CUBN: variants seen among roughly 807,000 people sequenced by gnomAD.
CUBN encodes the protein cubilin.
A neutral mutation model predicts 405.3 loss-of-function variants in CUBN; 282 were observed. The ratio of observed to expected loss-of-function variants is 0.70; its 90% confidence interval spans 0.63 to 0.77. The LOEUF is 0.77. CUBN is among the 30% of genes least tolerant of loss of function. CUBN has a pLI of 0.00. For missense variants in CUBN, 4,514 were observed against 4,475.2 expected, an observed-to-expected ratio of 1.01 and a Z score of -0.25; for synonymous variants, 1,684 against 1,617.0, an observed-to-expected ratio of 1.04 and a Z score of -0.99.
chr10:16,835,244 G>T, intron 63 of CUBN, 49 bp from the exon 64 acceptor site: 1 of 1,435,356 alleles, frequency 7.0e-7, no homozygotes, highest in Non-Finnish European at 9.8e-7. Flanking sequence ...AATATTTAGT[G>T]CTCTTTCAAC....
At chr10:17,102,612 T>C (rs1836522944) in intron 13 of CUBN, among the ~76,000 whole-genome samples, 1 of 143,068 alleles carries the variant, frequency 7.0e-6, no homozygotes, top group Admixed American at 6.9e-5. Flanking sequence ...TTTTTTTTTT[T>C]TTTTTTTTTT....
intron 36 of CUBN, among the ~76,000 whole-genome samples, chr10:16,945,767 CAAAAAAAAAAAA>C (rs61141075): frequency 1.2e-5 from 1 of 81,386 alleles, no homozygotes; most frequent in South Asian, 4.3e-4. Context: ...ACTGTGTCTC[CAAAAAAAAAAAA>C]AAAAAAAAAA....
intron 46 of CUBN, among the ~76,000 whole-genome samples, chr10:16,915,532 A>G (rs192425825): frequency 6.6e-6 from 1 of 152,170 alleles, no homozygotes; most frequent in Admixed American, 6.5e-5. Flanking sequence ...CCCTCAAATA[A>G]CGGCATGTGG....
At chr10:16,940,772 T>C (rs1261909728) in intron 36 of CUBN, among the ~76,000 whole-genome samples, 2 of 151,874 alleles carry the variant, frequency 1.3e-5, no homozygotes, top group African/African-American at 2.4e-5. Flanking sequence ...CTCTAAGACA[T>C]GGTGTGGGTT....
chr10:16,851,515 A>G, intron 59 of CUBN, 72 bp from the exon 60 acceptor site: 1 of 1,346,270 alleles, frequency 7.4e-7, no homozygotes. Flanking sequence ...GAGGGTTTTT[A>G]AAAAGAACAT....
chr10:16,959,903 T>C (rs902011609), intron 31 of CUBN, among the ~76,000 whole-genome samples: 7 of 152,240 alleles, frequency 4.6e-5, no homozygotes, highest in Admixed American at 1.3e-4. Flanking sequence ...GGCCTCAGCA[T>C]TGATTTTCTG....
At chr10:16,873,316 A>G (rs1840411978) in intron 58 of CUBN, among the ~76,000 whole-genome samples, 1 of 152,182 alleles carries the variant, frequency 6.6e-6, no homozygotes, top group Non-Finnish European at 1.5e-5. Flanking sequence ...CTTGTTGGGA[A>G]TAGGTAAGAC....
chr10:16,950,408 C>G (rs988468902), intron 33 of CUBN, among the ~76,000 whole-genome samples: 1 of 152,108 alleles, frequency 6.6e-6, no homozygotes, highest in Non-Finnish European at 1.5e-5. Context: ...ATCAAAACAT[C>G]TCATGTACCC....
At chr10:17,027,517 C>A (rs1028848944) in intron 27 of CUBN, among the ~76,000 whole-genome samples, 3 of 152,098 alleles carry the variant, frequency 2.0e-5, no homozygotes, top group Non-Finnish European at 4.4e-5. Flanking sequence ...TTTAATCTAG[C>A]TTTTTCTACA....
In CUBN at chr10:16,933,136, G is replaced by A. The variant is rs1452817084; in HGVS notation, c.6075C>T (p.Asp2025=). The change falls in exon 40 of 67, where the codon GAC becomes GAT. Residue 2025 remains aspartate (D), a synonymous_variant. Coordinates refer to ENST00000377833, the MANE Select transcript of CUBN (RefSeq NM_001081.4). ...AGGCACACGTTCGGTGAGATTCAAT[G>A]TCCAGGGAAAGAATGTTGAGTTCCA... is the stretch of plus-strand genomic sequence containing the variant. ...STVELNILSL[D]IESHRTCAYD... 2 of 1,613,960 alleles carry A rather than the reference G, an allele frequency of 1.2e-6. No individual in the cohort carries two copies. Among genetic ancestry groups the A allele is most frequent in the Non-Finnish European group, 8.5e-7 (1 of 1,180,012 alleles).
chr10:16,840,982 A>G lies in CUBN; in HGVS notation c.9729T>C (p.Ala3243=). The G allele has an allele frequency of 1.9e-6, 3 of 1,614,116 alleles. No individual in the cohort carries two copies. Among genetic ancestry groups the G allele is most frequent in the Non-Finnish European group, 2.5e-6 (3 of 1,179,968 alleles). ...GGAAGTTACCAGAAGAGATAAAAGG[A>G]GCAGGTACTGTGGAACCACAAAACG... ...AGTFCGSTVP[A]PFISSGNFLT... is the part of the protein sequence containing the mutation. The change falls in exon 61 of 67, where the codon GCT becomes GCC. Residue 3243 remains alanine (A), a synonymous_variant. Transcript: ENST00000377833.
Position 16,918,818 on chromosome 10 carries a change from T to C in CUBN, c.6822-18A>G. On this transcript the variant is annotated intron_variant, in intron 44 of 66. Transcript: ENST00000377833. ...AAGTACAGCTGAAGTGGGAACAAAATTCTGTTAAATTTACATGGTCAGATG... is the reference window on the plus strand; with the variant it reads ...AAGTACAGCTGAAGTGGGAACAAAACTCTGTTAAATTTACATGGTCAGATG... 1 of 1,611,000 alleles carries C rather than the reference T, an allele frequency of 6.2e-7. No individual in the cohort carries two copies. The highest frequency in any genetic ancestry group is 8.5e-7 in the Non-Finnish European group (1 of 1,177,840).
chr10:17,087,384 C>T lies in CUBN; in HGVS notation c.1947+780G>A, dbSNP rs553862993. The stretch of plus-strand genomic sequence containing the variant: ...ACTAATGGGTAGGCAGAAGGAGCTT[C>T]GGCTGATACCTCTCCTCTCAGTAAT... On this transcript the variant is annotated intron_variant, in intron 15 of 66. Transcript: ENST00000377833. Among the ~76,000 whole-genome samples the T allele has an allele frequency of 1.5e-4, 23 of 151,386 alleles. No individual in the cohort carries two copies. In the South Asian group the frequency reaches 3.6e-3, roughly 24 times the overall value.
intron 29 of CUBN, 24 bp from the exon 30 acceptor site, chr10:16,984,303 G>A (rs374047958): frequency 6.2e-7 from 1 of 1,611,480 alleles, no homozygotes; most frequent in Non-Finnish European, 8.5e-7. Flanking sequence ...TAGGAAAAAA[G>A]ACTTTAAAAA....
At chr10:16,899,683 A>AAATT (rs1316131961) in intron 53 of CUBN, among the ~76,000 whole-genome samples, 3 of 152,238 alleles carry the variant, frequency 2.0e-5, no homozygotes, top group Non-Finnish European at 2.9e-5. Flanking sequence ...TGATGGATCA[A>AAATT]AATTAATTAT....
At chr10:16,827,729 G>C (rs1425642924) in intron 66 of CUBN, among the ~76,000 whole-genome samples, 3 of 152,180 alleles carry the variant, frequency 2.0e-5, no homozygotes, top group Non-Finnish European at 2.9e-5. Flanking sequence ...AGCCTCCGGA[G>C]TACTTGGGAT....
chr10:17,092,405 GAT>G (rs1434196197), intron 14 of CUBN, among the ~76,000 whole-genome samples: 1 of 152,122 alleles, frequency 6.6e-6, no homozygotes, highest in African/African-American at 2.4e-5. Flanking sequence ...ATAGGGGCTG[GAT>G]AAAATAGGGC....
chr10:16,960,884 G>A (rs956604733), intron 31 of CUBN, among the ~76,000 whole-genome samples: 3 of 152,140 alleles, frequency 2.0e-5, no homozygotes, highest in African/African-American at 7.2e-5. Flanking sequence ...TCCGCTCCCA[G>A]GGGCCCTTCA....
intron 14 of CUBN, 112 bp from the exon 15 acceptor site, chr10:17,088,457 G>A (rs1270386446): frequency 1.3e-6 from 1 of 767,888 alleles, no homozygotes; most frequent in Non-Finnish European, 2.2e-6. Flanking sequence ...ACTATGAGCA[G>A]TTTTAGACAC....
Sources: allele counts gnomAD v4.1 joint callset (sites outside exome capture counted in the v4.1 genomes callset), GRCh38; gene constraint gnomAD v4.1.1; transcripts MANE v1.5; gene names NCBI Gene and HGNC (gene_info 2026-07-23, HGNC 2026-07-21).